Variants in RNF40 observed in about 807,000 individuals in gnomAD.
RNF40 encodes ring finger protein 40.
RNF40 carries 39 observed loss-of-function variants against 123.3 expected under a neutral mutation model. The ratio of observed to expected loss-of-function variants is 0.32; its 90% CI spans 0.24 to 0.41. The LOEUF is 0.41. Ranked by LOEUF, RNF40 falls within the 10% of genes least tolerant of loss-of-function variation. The probability of loss-of-function intolerance (pLI) is 1.00; values close to 1 mark genes in which losing one functional copy is unlikely to be tolerated. For missense variants in RNF40, 1,003 were observed against 1,319.9 expected (o/e 0.76, Z 3.72); for synonymous variants, 538 against 526.0 (o/e 1.02, Z -0.31).
Position 30,766,810 on chromosome 16 carries a change from G to C in RNF40, c.1363G>C (p.Val455Leu), listed in dbSNP as rs746427823. The change falls in exon 11 of 20, where the codon GTA becomes CTA. Residue 455 changes from valine (V) to leucine (L), a missense_variant. Coordinates refer to ENST00000324685, the MANE Select transcript of RNF40 (RefSeq NM_014771.4). The surrounding 1 kb of genome is among the most constrained non-coding windows in gnomAD (Gnocchi z 5.4). The part of the protein sequence containing the change: ...VIQLEDTLAQ[V>L]RKEYEMLRIE... Reference sequence around the variant, plus strand: ...TCAGCTGGAGGACACGCTGGCCCAGGTACGCAAGGAGTATGAGATGCTGCG... The same window carrying C: ...TCAGCTGGAGGACACGCTGGCCCAGCTACGCAAGGAGTATGAGATGCTGCG... 6.2e-7 allele frequency: 1 copy of C among 1,614,054 alleles called. No individual in the cohort carries two copies. The highest frequency in any genetic ancestry group is 8.5e-7 in the Non-Finnish European group (1 of 1,180,004).
At chr16:30,763,049 TTCTC>T (rs1381813138) in intron 2 of RNF40, 65 bp from the exon 3 acceptor site, 30 of 1,570,804 alleles carry the variant, frequency 1.9e-5, no homozygotes, top group African/African-American at 6.8e-5. Context: ...CTGCTCCTCT[TTCTC>T]TCTCTGTGAT....
chr16:30,766,098 G>C lies in RNF40; in HGVS notation c.994-65G>C. Reference sequence around the variant, plus strand: ...TGCTTGGGGTGGAGTGTATGCTGGGGATGTAAGGGAGGCCTGCTGCCACGT... The same window carrying C: ...TGCTTGGGGTGGAGTGTATGCTGGGCATGTAAGGGAGGCCTGCTGCCACGT... On this transcript the variant is annotated intron_variant, in intron 8 of 19. Coordinates refer to ENST00000324685, the MANE Select transcript of RNF40 (RefSeq NM_014771.4). This position sits in a 1 kb window ranked among gnomAD's most constrained non-coding sequence, Gnocchi z 5.4. 1.9e-6 allele frequency: 3 copies of C among 1,609,008 alleles called. No homozygotes were observed. The highest frequency in any genetic ancestry group is 2.5e-6 in the Non-Finnish European group (3 of 1,177,326).
rs2053986516 is a variant in RNF40 at position 30,764,274 on chromosome 16, G to C, written c.538G>C (p.Glu180Gln). ...GASSSEEVEL[E>Q]LQGRMEFSKA... ...CAGCAGCAGTGAGGAGGTGGAGCTGGAGCTGCAAGGCCGAATGGAGTTCTC... is the reference window on the plus strand; with the variant it reads ...CAGCAGCAGTGAGGAGGTGGAGCTGCAGCTGCAAGGCCGAATGGAGTTCTC... The change falls in exon 5 of 20, where the codon GAG (glutamate) becomes CAG (glutamine). Residue 180 changes from glutamate (E) to glutamine (Q), a missense_variant. Around this residue, in one of 11 missense-constraint regions of RNF40, gnomAD observed 4 missense variants for 24.1 expected, o/e 0.17. Coordinates refer to ENST00000324685, the MANE Select transcript of RNF40 (RefSeq NM_014771.4). The C allele has an allele frequency of 6.2e-7, 1 of 1,613,414 alleles. No individual in the cohort carries two copies.
At chr16:30,762,767 C>T in intron 2 of RNF40, 90 bp downstream of exon 2, 4 of 1,529,384 alleles carry the variant, frequency 2.6e-6, no homozygotes, top group East Asian at 2.3e-5. Context: ...CACCCACTTC[C>T]CCAAGTTTAG....
In RNF40 at chr16:30,769,413, A is replaced by G. The variant is rs762102685; in HGVS notation, c.2460+15A>G. On this transcript the variant is annotated intron_variant, in intron 16 of 19. Coordinates refer to ENST00000324685, the MANE Select transcript of RNF40 (RefSeq NM_014771.4). Reference sequence around the variant, plus strand: ...TCAAGTCCCAGGTATGGCCGCCGCCAGCTTGCAGACTGGAGCTGGAGAGGT... The same window carrying G: ...TCAAGTCCCAGGTATGGCCGCCGCCGGCTTGCAGACTGGAGCTGGAGAGGT... 1 of 1,614,210 alleles carries G rather than the reference A, an allele frequency of 6.2e-7. No individual in the cohort carries two copies. The highest frequency in any genetic ancestry group is 8.5e-7 in the Non-Finnish European group (1 of 1,180,046).
At position 30,771,893 on chromosome 16, in the gene RNF40, C is replaced by A; in HGVS notation, c.2647C>A (p.Arg883=). 6.2e-7 allele frequency: 1 copy of A among 1,609,682 alleles called. No homozygotes were observed. The highest frequency in any genetic ancestry group is 1.3e-5 in the African/African-American group (1 of 74,914). ...LKVQLEHVQT[R]LREIQPCLAE... is the part of the protein sequence containing the mutation. ...GGTGCAGCTGGAGCACGTGCAGACTCGGCTGCGGGAGATCCAGCCCTGCCT... is the reference window on the plus strand; with the variant it reads ...GGTGCAGCTGGAGCACGTGCAGACTAGGCTGCGGGAGATCCAGCCCTGCCT... The change falls in exon 18 of 20, where the codon CGG becomes AGG. Residue 883 remains arginine, a synonymous_variant. Transcript: ENST00000324685.
chr16:30,762,280 G>A (rs566232051), upstream of RNF40: 16 of 463,106 alleles, frequency 3.5e-5, no homozygotes, highest in Non-Finnish European at 5.3e-5. Context: ...GCACCGTTGG[G>A]GGGGGGGCAG....
chr16:30,762,929 G>A (rs2053907170), intron 2 of RNF40, among the ~76,000 whole-genome samples, 189 bp from the exon 3 acceptor site: 1 of 152,236 alleles, frequency 6.6e-6, no homozygotes, highest in African/African-American at 2.4e-5. Context: ...CAGAAACAAC[G>A]TGAGCCTCCT....
At position 30,768,370 on chromosome 16, in the gene RNF40, G is replaced by C. The variant is rs372397361; in HGVS notation, c.1819G>C (p.Glu607Gln). Reference protein sequence around the residue: ...QGPSSRGREPEARPKRELRER... With the variant: ...QGPSSRGREPQARPKRELRER... ...CCCTTCCTCCCGGGGCCGAGAACCT[G>C]AGGCCAGGCCCAAGCGGGAGCTTCG... is the stretch of plus-strand genomic sequence containing the variant. The change falls in exon 13 of 20, where the codon GAG (glutamate) becomes CAG (glutamine). Residue 607 changes from glutamate to glutamine, a missense_variant. This residue lies in a region of RNF40 where 295 missense variants were observed against 331.7 expected (regional missense o/e 0.89). Transcript: ENST00000324685. The surrounding 1 kb of genome is among the most constrained non-coding windows in gnomAD (Gnocchi z 4.1). 18 of 1,613,552 alleles carry C rather than the reference G, an allele frequency of 1.1e-5. No homozygotes were observed. Among genetic ancestry groups the C allele is most frequent in the Non-Finnish European group, 3.4e-6 (4 of 1,179,818 alleles).
chr16:30,762,724 C>G (rs1266449474), intron 2 of RNF40, 47 bp downstream of exon 2: 6 of 1,595,604 alleles, frequency 3.8e-6, no homozygotes, highest in Non-Finnish European at 5.1e-6. Context: ...AGAGCCCTCC[C>G]TCTGTTCTCT....
chr16:30,765,631 T>TG, intron 8 of RNF40, 132 bp downstream of exon 8: 1 of 766,322 alleles, frequency 1.3e-6, no homozygotes, highest in Non-Finnish European at 2.1e-6. Context: ...CTTTTTTTCA[T>TG]GCATTCATAT....
chr16:30,775,459 T>C lies in RNF40; in HGVS notation c.*1345T>C, dbSNP rs1282798903. On this transcript the variant is annotated 3_prime_UTR_variant, in exon 20 of 20. Coordinates refer to ENST00000324685, the MANE Select transcript of RNF40 (RefSeq NM_014771.4). Reference sequence around the variant, plus strand: ...GCTGCATCCTGGGAAGTGTAGTTCCTGGTCCGCACATGGTTAGGAGGTTCT... The same window carrying C: ...GCTGCATCCTGGGAAGTGTAGTTCCCGGTCCGCACATGGTTAGGAGGTTCT... The C allele has an allele frequency of 5.4e-6, 1 of 185,082 alleles. No homozygotes were observed. Among genetic ancestry groups the C allele is most frequent in the African/African-American group, 2.4e-5 (1 of 42,212 alleles). 11.5% of individuals were successfully genotyped at this position (185,082 alleles called of 1,614,324 possible).
intron 4 of RNF40, 134 bp downstream of exon 4, chr16:30,763,693 A>G (rs2053949038): frequency 1.1e-6 from 1 of 943,226 alleles, no homozygotes; most frequent in Middle Eastern, 3.1e-4. Context: ...TTTGGGCAGT[A>G]AAGTGCAGTG....
intron 17 of RNF40, among the ~76,000 whole-genome samples, chr16:30,771,544 G>C (rs897761161): frequency 1.3e-5 from 2 of 152,118 alleles, no homozygotes; most frequent in Non-Finnish European, 2.9e-5. Flanking sequence ...GTGAACCCAG[G>C]AGTCGGAGGT....
At chr16:30,771,164 A>G (rs2054141647) in intron 17 of RNF40, among the ~76,000 whole-genome samples, 2 of 152,216 alleles carry the variant, frequency 1.3e-5, no homozygotes, top group South Asian at 4.1e-4. Context: ...CAAATAAAAT[A>G]GTGCATGTCA....
At chr16:30,767,374 T>C (rs1046791949) in intron 11 of RNF40, among the ~76,000 whole-genome samples, 4 of 151,942 alleles carry the variant, frequency 2.6e-5, no homozygotes, top group Admixed American at 6.6e-5. Flanking sequence ...GGAGAAAGGG[T>C]GTTGCAATTT....
intron 17 of RNF40, among the ~76,000 whole-genome samples, chr16:30,771,035 C>T (rs116921811): frequency 6.6e-6 from 1 of 152,264 alleles, no homozygotes; most frequent in East Asian, 1.9e-4. Flanking sequence ...TTTTACATCC[C>T]TGCTATGTAC....
chr16:30,762,186 T>G, upstream of RNF40: 1 of 312,506 alleles, frequency 3.2e-6, no homozygotes, highest in Non-Finnish European at 5.9e-6. Flanking sequence ...AGGACCCGAG[T>G]GGCGGGACCA....
rs142610348 is a variant in RNF40 at position 30,764,378 on chromosome 16, C to T, written c.642C>T (p.Tyr214=). The change falls in exon 5 of 20, where the codon TAC becomes TAT. Residue 214 remains tyrosine (Y), a synonymous_variant. Coordinates refer to ENST00000324685, the MANE Select transcript of RNF40 (RefSeq NM_014771.4). ...RRVEELCQRV[Y]SRGDSEPLSE... is the part of the protein sequence containing the mutation. ...TGGAGGAACTCTGTCAGCGAGTGTA[C>T]AGCCGAGGTGGGTTCTTTGTGCCCA... is the stretch of plus-strand genomic sequence containing the variant. 2.1e-5 allele frequency: 34 copies of T among 1,612,592 alleles called. No individual in the cohort carries two copies. In the African/African-American group the frequency reaches 4.1e-4, roughly 20 times the overall value.
Sources: allele counts gnomAD v4.1 joint callset (sites outside exome capture counted in the v4.1 genomes callset), GRCh38; gene constraint gnomAD v4.1.1; regional missense constraint gnomAD v4.1.1; non-coding constraint Gnocchi (gnomAD v3.1); transcripts MANE v1.5; gene names NCBI Gene and HGNC (gene_info 2026-07-23, HGNC 2026-07-21).